CEP85L: variants seen among roughly 807,000 people sequenced by gnomAD.
CEP85L encodes the protein centrosomal protein 85L.
Under a neutral mutation model 100.3 loss-of-function variants are expected in CEP85L, and 60 were observed. The ratio of observed to expected loss-of-function variants is 0.60; its 90% CI spans 0.49 to 0.74. CEP85L has a LOEUF of 0.74. Among genes scored for constraint, CEP85L ranks in the 30% least tolerant of loss-of-function variants. The pLI is 0.00. For synonymous variants in CEP85L, 319 were observed against 322.7 expected (o/e 0.99, Z 0.12); for missense variants, 973 against 936.2 (o/e 1.04, Z -0.51).
chr6:118,522,021 G>A (rs1216855337), intron 4 of CEP85L, among the ~76,000 whole-genome samples: 1 of 151,970 alleles, frequency 6.6e-6, no homozygotes, highest in Non-Finnish European at 1.5e-5. Context: ...TTTGAGGGAG[G>A]GCAAATCCAT....
At chr6:118,520,032 T>C (rs1776564980) in intron 4 of CEP85L, among the ~76,000 whole-genome samples, 1 of 152,182 alleles carries the variant, frequency 6.6e-6, no homozygotes, top group Admixed American at 6.5e-5. Flanking sequence ...ATCAGCTACC[T>C]AGAATAGAAG....
chr6:118,683,568 G>A (rs1891715), intron 1 of CEP85L, among the ~76,000 whole-genome samples: 34,198 of 152,098 alleles, frequency 0.22, 4,856 homozygotes, highest in Non-Finnish European at 0.32. Flanking sequence ...TAGTGCATTC[G>A]CAGTGTGGTT....
intron 1 of CEP85L, among the ~76,000 whole-genome samples, chr6:118,680,306 C>CT (rs57764027): frequency 0.042 from 2,354 of 56,056 alleles, 47 homozygotes; most frequent in African/African-American, 0.061. Context: ...CTTGGTGTTG[C>CT]TTTTTTTTTT....
rs1471449426 is a variant in CEP85L at position 118,463,657 on chromosome 6, G to C, written c.*1748C>G. ...TTAGGTTAAGGACTCTGGGATGCAGGAGCACTACAATGTACTTACTGATTT... is the reference window on the plus strand; with the variant it reads ...TTAGGTTAAGGACTCTGGGATGCAGCAGCACTACAATGTACTTACTGATTT... On this transcript the variant is annotated 3_prime_UTR_variant, in exon 13 of 13. Transcript: ENST00000368491. 1 of 151,950 alleles carries C rather than the reference G, an allele frequency of 6.6e-6. No individual in the cohort carries two copies. Among genetic ancestry groups the C allele is most frequent in the Non-Finnish European group, 1.5e-5 (1 of 67,924 alleles). The allele number at this position is 151,950 out of a possible 1,614,324, so 9.4% of individuals were successfully genotyped here. A position where few individuals can be genotyped will look rare whatever the true frequency, so the allele number is the denominator to read the frequency against.
At chr6:118,536,570 C>A (rs1777604993) in intron 3 of CEP85L, among the ~76,000 whole-genome samples, 1 of 152,094 alleles carries the variant, frequency 6.6e-6, no homozygotes, top group African/African-American at 2.4e-5. Context: ...AGAAGAGAAT[C>A]CTTAAGTCCC....
upstream of CEP85L, chr6:118,652,602 C>G: frequency 6.7e-7 from 1 of 1,502,092 alleles, no homozygotes; most frequent in Non-Finnish European, 8.9e-7. Flanking sequence ...ACAAAGGCCT[C>G]ATATTTGCAT....
At position 118,565,983 on chromosome 6, in the gene CEP85L, G is replaced by A; in HGVS notation, c.566C>T (p.Ala189Val). ...CCTCAGTTGTGATGTTAAAGCCTTA[G>A]CCTTCCCTATCTTCTCCAAACCATT... The part of the protein sequence containing the change: ...SRNGLEKIGK[A>V]KALTSQLRTI... Residue 189 changes from alanine (A) to valine (V), a missense_variant, in exon 3 of 13, where the codon GCT becomes GTT. Physicochemically the swap from Ala to Val is moderately conservative, Grantham distance 64 (BLOSUM62 0). Transcript: ENST00000368491. The A allele has an allele frequency of 6.2e-7, 1 of 1,614,166 alleles. No individual in the cohort carries two copies. The highest frequency in any genetic ancestry group is 8.5e-7 in the Non-Finnish European group (1 of 1,180,028).
At chr6:118,580,532 C>G (rs554071624) in intron 2 of CEP85L, among the ~76,000 whole-genome samples, 1 of 152,228 alleles carries the variant, frequency 6.6e-6, no homozygotes, top group Non-Finnish European at 1.5e-5. Context: ...AGATGTGAGG[C>G]TTGCTGGTGA....
intron 1 of CEP85L, among the ~76,000 whole-genome samples, chr6:118,668,253 A>G (rs532867311): frequency 6.6e-6 from 1 of 152,294 alleles, no homozygotes; most frequent in South Asian, 2.1e-4. Context: ...GACAGGCATA[A>G]ATGATGAAAG....
intron 1 of CEP85L, among the ~76,000 whole-genome samples, chr6:118,691,859 TAC>T (rs1413550344): frequency 6.6e-6 from 1 of 152,152 alleles, no homozygotes; most frequent in African/African-American, 2.4e-5. Flanking sequence ...TTTGCAAAAT[TAC>T]ATGACTTATT....
intron 1 of CEP85L, among the ~76,000 whole-genome samples, chr6:118,692,884 A>T (rs1259000317): frequency 6.6e-6 from 1 of 151,450 alleles, no homozygotes; most frequent in Non-Finnish European, 1.5e-5. Flanking sequence ...CTTTTGGAAG[A>T]TGCATCACCC....
At chr6:118,535,756 A>G (rs946212161) in intron 3 of CEP85L, among the ~76,000 whole-genome samples, 5 of 152,154 alleles carry the variant, frequency 3.3e-5, no homozygotes, top group African/African-American at 9.7e-5. Context: ...TCCTTATTTT[A>G]CTTAATAATG....
Position 118,523,894 on chromosome 6 carries a change from A to G in CEP85L, c.1047T>C (p.Ser349=). ...MQVLTGSSRQ[S]YSPGYQDFSK... The stretch of plus-strand genomic sequence containing the variant: ...TGAAATCCTGATAGCCAGGTGAATA[A>G]CTTTGACGAGATGATCCAGTCAAAA... Residue 349 remains serine (S), a synonymous_variant, in exon 4 of 13, where the codon AGT becomes AGC. Transcript: ENST00000368491. 6.2e-7 allele frequency: 1 copy of G among 1,604,274 alleles called. No homozygotes were observed. The highest frequency in any genetic ancestry group is 1.3e-5 in the African/African-American group (1 of 74,814).
Position 118,565,890 on chromosome 6 carries a change from T to G in CEP85L, c.659A>C (p.Lys220Thr), listed in dbSNP as rs148059317. 592 of 1,614,024 alleles carry G rather than the reference T, an allele frequency of 3.7e-4. 1 individual carries two copies. The highest frequency in any genetic ancestry group is 4.7e-4 in the Non-Finnish European group (556 of 1,180,040). The change falls in exon 3 of 13, where the codon AAA (lysine) becomes ACA (threonine). Residue 220 changes from lysine to threonine, a missense_variant. By Grantham distance (78) the Lys-to-Thr change is moderately conservative. Around this residue, in one of 3 missense-constraint regions of CEP85L, gnomAD observed 890 missense variants for 844.5 expected, o/e 1.05. Coordinates refer to ENST00000368491, the MANE Select transcript of CEP85L (RefSeq NM_001042475.3). Reference protein sequence around the residue: ...MLRLEDKEINKKRSSTLDCKY... With the variant: ...MLRLEDKEINTKRSSTLDCKY... Reference sequence around the variant, plus strand: ...GCAGTCCAGAGTTGATGACCGTTTTTTATTTATTTCCTTGTCCTCTAACCT... The same window carrying G: ...GCAGTCCAGAGTTGATGACCGTTTTGTATTTATTTCCTTGTCCTCTAACCT...
intron 2 of CEP85L, among the ~76,000 whole-genome samples, chr6:118,596,312 G>C (rs1363999603): frequency 6.6e-6 from 1 of 152,068 alleles, no homozygotes; most frequent in East Asian, 1.9e-4. Context: ...TTCTGATGCA[G>C]GTTATTCCCA....
At chr6:118,500,977 T>C (rs1775262200) in intron 5 of CEP85L, among the ~76,000 whole-genome samples, 1 of 152,220 alleles carries the variant, frequency 6.6e-6, no homozygotes, top group East Asian at 1.9e-4. Context: ...TCGCTTATTT[T>C]TGTCCTCTTC....
intron 3 of CEP85L, among the ~76,000 whole-genome samples, chr6:118,547,036 A>G (rs1269676895): frequency 6.6e-6 from 1 of 152,138 alleles, no homozygotes; most frequent in Non-Finnish European, 1.5e-5. Flanking sequence ...AAGGGCATGT[A>G]AGCAGCTGCT....
intron 4 of CEP85L, among the ~76,000 whole-genome samples, chr6:118,519,514 C>T (rs1478751366): frequency 4.0e-5 from 1 of 25,048 alleles, no homozygotes; most frequent in Admixed American, 6.9e-4. Context: ...GTGTGTGTGG[C>T]GGGGGGGTTG....
At chr6:118,683,719 T>A (rs1482648824) in intron 1 of CEP85L, among the ~76,000 whole-genome samples, 1 of 152,196 alleles carries the variant, frequency 6.6e-6, no homozygotes, top group African/African-American at 2.4e-5. Flanking sequence ...GTAAAGCATA[T>A]AGTTAATTAA....
Sources: gnomAD v4.1 joint callset for allele counts (sites outside exome capture counted in the v4.1 genomes callset) on GRCh38, gnomAD v4.1.1 for gene constraint, gnomAD v4.1.1 regional missense constraint, MANE v1.5 for transcripts, NCBI Gene and HGNC (gene_info 2026-07-23, HGNC 2026-07-21) for gene names.